The following CACNA2D1 variants were observed in gnomAD, a reference collection of about 807,000 sequenced individuals.
The protein encoded by CACNA2D1 is voltage-dependent calcium channel subunit alpha-2/delta-1.
In CACNA2D1, 53 loss-of-function variants were observed where a neutral mutation model predicts 171.5. The ratio of observed to expected loss-of-function variants is 0.31; its 90% confidence interval spans 0.25 to 0.39. The LOEUF (loss-of-function observed/expected upper bound fraction) is 0.39. Among genes scored for constraint, CACNA2D1 ranks in the 10% least tolerant of loss-of-function variants. The pLI, the probability that CACNA2D1 is intolerant of heterozygous loss-of-function variation, is 1.00. For missense variants in CACNA2D1, 903 were observed against 1,299.8 expected (o/e 0.69, Z 4.69); for synonymous variants, 442 against 443.1 (o/e 1.00, Z 0.03).
At chr7:82,369,266 A>C (rs1822094098) in intron 1 of CACNA2D1, among the ~76,000 whole-genome samples, 1 of 152,034 alleles carries the variant, frequency 6.6e-6, no homozygotes, top group African/African-American at 2.4e-5. Context: ...GAATTCATTA[A>C]GTGTTTAATG....
intron 3 of CACNA2D1, among the ~76,000 whole-genome samples, chr7:82,191,960 T>C (rs1798339773): frequency 1.3e-5 from 2 of 151,754 alleles, no homozygotes; most frequent in Non-Finnish European, 3.0e-5. Flanking sequence ...GTGTAAGCAC[T>C]CTATCATGCA....
intron 1 of CACNA2D1, among the ~76,000 whole-genome samples, chr7:82,427,484 T>A (rs891631280): frequency 6.6e-6 from 1 of 152,352 alleles, no homozygotes; most frequent in East Asian, 1.9e-4. Flanking sequence ...CGAAGGTAGG[T>A]CTTACATCTA....
chr7:81,990,074 G>T (rs1268113511), intron 21 of CACNA2D1, among the ~76,000 whole-genome samples: 2 of 151,888 alleles, frequency 1.3e-5, no homozygotes, highest in African/African-American at 4.8e-5. Context: ...AGTGACTAAG[G>T]TAGGGGGGTG....
At chr7:82,313,901 T>C (rs187727095) in intron 3 of CACNA2D1, among the ~76,000 whole-genome samples, 34 of 152,296 alleles carry the variant, frequency 2.2e-4, no homozygotes, top group African/African-American at 6.7e-4. Context: ...ATTTAAAATA[T>C]ATTACTCCAA....
At chr7:82,276,246 A>G (rs879384747) in intron 3 of CACNA2D1, among the ~76,000 whole-genome samples, 1 of 152,234 alleles carries the variant, frequency 6.6e-6, no homozygotes, top group Non-Finnish European at 1.5e-5. Flanking sequence ...ATTTCCCAAG[A>G]TATAAACTAT....
chr7:82,182,736 G>A (rs1050909397), intron 3 of CACNA2D1, among the ~76,000 whole-genome samples: 1 of 152,042 alleles, frequency 6.6e-6, no homozygotes, highest in East Asian at 1.9e-4. Flanking sequence ...TATATGAAAT[G>A]AGATGAATAA....
chr7:82,080,516 A>G (rs1360630944), intron 7 of CACNA2D1, among the ~76,000 whole-genome samples: 2 of 152,124 alleles, frequency 1.3e-5, no homozygotes, highest in Non-Finnish European at 2.9e-5. Context: ...TGAATTTAGC[A>G]AAAAGAAATA....
chr7:82,294,488 C>CT (rs1232456170), intron 3 of CACNA2D1, among the ~76,000 whole-genome samples: 1 of 152,006 alleles, frequency 6.6e-6, no homozygotes, highest in East Asian at 1.9e-4. Flanking sequence ...AGAAATATGA[C>CT]TTTTTGTACT....
chr7:82,221,257 C>G (rs1801730668), intron 3 of CACNA2D1, among the ~76,000 whole-genome samples: 1 of 152,168 alleles, frequency 6.6e-6, no homozygotes, highest in Admixed American at 6.5e-5. Flanking sequence ...GGGTACTCCT[C>G]AATGTCCTTG....
intron 3 of CACNA2D1, among the ~76,000 whole-genome samples, chr7:82,184,393 CCT>C (rs1455309977): frequency 6.6e-6 from 1 of 151,926 alleles, no homozygotes; most frequent in Non-Finnish European, 1.5e-5. Context: ...AAATATGCCA[CCT>C]CTGTTTTCCC....
chr7:82,077,702 GATC>G (rs1809160651), intron 7 of CACNA2D1, among the ~76,000 whole-genome samples: 1 of 147,862 alleles, frequency 6.8e-6, no homozygotes, highest in South Asian at 2.1e-4. Flanking sequence ...TTTATATAAT[GATC>G]AACAACTATA....
rs117250605 is a variant in CACNA2D1 at position 82,368,089 on chromosome 7, C to A, written c.96-18440G>T. On this transcript the variant is annotated intron_variant, in intron 1 of 38. Transcript: ENST00000356860. ...ATGATCTCTGGGCTCTGTCCCCCGA[C>A]ACCAGCTTTGATCCAGCAACATACT... 4.3e-3 allele frequency among the ~76,000 whole-genome samples: 650 copies of A among 152,252 alleles called. 14 individuals are homozygous for A. In the East Asian group the frequency reaches 0.056, roughly 13 times the overall value.
chr7:82,381,238 C>T (rs1487584432), intron 1 of CACNA2D1, among the ~76,000 whole-genome samples: 21 of 150,444 alleles, frequency 1.4e-4, no homozygotes, highest in South Asian at 4.2e-4. Flanking sequence ...GGCGTGAACC[C>T]GGCAGGCGGA....
intron 4 of CACNA2D1, among the ~76,000 whole-genome samples, chr7:82,169,606 G>A (rs1481878962): frequency 6.6e-6 from 1 of 151,970 alleles, no homozygotes; most frequent in Non-Finnish European, 1.5e-5. Context: ...TTAAACCTCA[G>A]TTTAGTGTCT....
At chr7:82,295,342 T>C (rs1585378277) in intron 3 of CACNA2D1, among the ~76,000 whole-genome samples, 1 of 26,316 alleles carries the variant, frequency 3.8e-5, no homozygotes. Context: ...GTAGCTTGTA[T>C]TTTTTTTTTT....
intron 3 of CACNA2D1, among the ~76,000 whole-genome samples, chr7:82,293,012 A>G (rs138025683): frequency 5.9e-5 from 9 of 151,934 alleles, no homozygotes; most frequent in Non-Finnish European, 1.2e-4. Context: ...ACCTTATTTT[A>G]TACTTCATAG....
chr7:82,260,971 T>C (rs1469352039), intron 3 of CACNA2D1, among the ~76,000 whole-genome samples: 1 of 152,018 alleles, frequency 6.6e-6, no homozygotes, highest in African/African-American at 2.4e-5. Context: ...TTTTTTCTTC[T>C]TGAGACTGAG....
chr7:82,255,900 G>A (rs1364478382), intron 3 of CACNA2D1, among the ~76,000 whole-genome samples: 2 of 152,134 alleles, frequency 1.3e-5, no homozygotes, highest in African/African-American at 4.8e-5. Context: ...GGTTAATTAG[G>A]ATCATGTTTC....
At chr7:82,189,296 T>G (rs1170374543) in intron 3 of CACNA2D1, among the ~76,000 whole-genome samples, 1 of 151,974 alleles carries the variant, frequency 6.6e-6, no homozygotes, top group Non-Finnish European at 1.5e-5. Flanking sequence ...GATTACTTAG[T>G]GGGCAAGCAG....
Sources: allele counts gnomAD v4.1 joint callset (sites outside exome capture counted in the v4.1 genomes callset), GRCh38; gene constraint gnomAD v4.1.1; transcripts MANE v1.5; gene names NCBI Gene and HGNC (gene_info 2026-07-23, HGNC 2026-07-21).